Variants in ULK4 observed in about 807,000 individuals in gnomAD.
ULK4 encodes the protein unc-51 like kinase 4, also known as inactive serine/threonine-protein kinase ULK4.
A neutral mutation model predicts 160.6 loss-of-function variants in ULK4; 133 were observed. That is an observed-to-expected ratio of 0.83 (90% CI 0.72 to 0.96). The LOEUF (loss-of-function observed/expected upper bound fraction) is 0.96, where lower values mean the gene tolerates loss of function less well. ULK4 is among the 40% of genes least tolerant of loss of function. ULK4 has a pLI of 0.00. For missense variants in ULK4, 1,580 were observed against 1,499.5 expected, an observed-to-expected ratio of 1.05 and a Z score of -0.89; for synonymous variants, 534 against 539.8, an observed-to-expected ratio of 0.99 and a Z score of 0.15.
At chr3:41,672,597 A>G (rs1037361446) in intron 29 of ULK4, among the ~76,000 whole-genome samples, 2 of 152,216 alleles carry the variant, frequency 1.3e-5, no homozygotes, top group Admixed American at 1.3e-4. Context: ...GGGTACAAAC[A>G]TACAGTTAAC....
intron 32 of ULK4, among the ~76,000 whole-genome samples, chr3:41,528,538 C>T (rs1180686793): frequency 6.6e-6 from 1 of 152,174 alleles, no homozygotes; most frequent in Admixed American, 6.5e-5. Context: ...ATTATGGCCA[C>T]TTTACAATCA....
intron 25 of ULK4, among the ~76,000 whole-genome samples, chr3:41,713,859 G>T (rs915915759): frequency 6.6e-6 from 1 of 151,962 alleles, no homozygotes; most frequent in African/African-American, 2.4e-5. Context: ...GGAAAATCTT[G>T]GTAATTCTTT....
intron 29 of ULK4, among the ~76,000 whole-genome samples, chr3:41,676,893 GC>G (rs552146964): frequency 2.5e-3 from 357 of 142,660 alleles, no homozygotes; most frequent in African/African-American, 9.1e-3. Context: ...TGGGGTGCCT[GC>G]CCCCACCCCC....
intron 34 of ULK4, among the ~76,000 whole-genome samples, chr3:41,411,655 A>T (rs773672621): frequency 2.6e-5 from 4 of 151,560 alleles, no homozygotes; most frequent in Non-Finnish European, 5.9e-5. Context: ...CTGGTCTCGA[A>T]CTCCTGATCT....
rs147266228 is a variant in ULK4 at position 41,404,294 on chromosome 3, G to C, written c.3493-6030C>G. ...GTTTAGAATGCATACATTTAAAATA[G>C]TTATGTCATTTCAGTGGATAGATCT... On this transcript the variant is annotated intron_variant, in intron 34 of 36. Coordinates refer to ENST00000301831, the MANE Select transcript of ULK4 (RefSeq NM_017886.4). Among the ~76,000 whole-genome samples the C allele has an allele frequency of 2.1e-5, 3 of 146,256 alleles. No individual in the cohort carries two copies. The East Asian group carries it at 6.2e-4, about 30-fold the overall frequency.
At chr3:41,535,614 T>C (rs1425325466) in intron 32 of ULK4, among the ~76,000 whole-genome samples, 1 of 152,228 alleles carries the variant, frequency 6.6e-6, no homozygotes, top group Non-Finnish European at 1.5e-5. Flanking sequence ...AGACCACATA[T>C]ACTCAATGCC....
intron 22 of ULK4, among the ~76,000 whole-genome samples, chr3:41,737,115 G>T (rs1244565728): frequency 1.3e-5 from 2 of 151,928 alleles, no homozygotes; most frequent in East Asian, 3.9e-4. Flanking sequence ...ATAGTTTGAA[G>T]TCAGGTAGTG....
chr3:41,519,556 C>T (rs1480687776), intron 32 of ULK4, among the ~76,000 whole-genome samples: 2 of 152,160 alleles, frequency 1.3e-5, no homozygotes, highest in African/African-American at 4.8e-5. Context: ...TCCTGAAACA[C>T]AGTGTGGTAG....
At chr3:41,948,319 T>G (rs1433421181) in intron 2 of ULK4, among the ~76,000 whole-genome samples, 1 of 152,004 alleles carries the variant, frequency 6.6e-6, no homozygotes, top group Non-Finnish European at 1.5e-5. Flanking sequence ...GGCATGGTAA[T>G]GTGCACCTGT....
At chr3:41,403,520 G>C (rs898859400) in intron 34 of ULK4, among the ~76,000 whole-genome samples, 1 of 151,938 alleles carries the variant, frequency 6.6e-6, no homozygotes, top group Non-Finnish European at 1.5e-5. Flanking sequence ...CAATTGTACT[G>C]ATTTTTTTTC....
intron 5 of ULK4, among the ~76,000 whole-genome samples, chr3:41,924,861 T>C (rs1169873195): frequency 6.6e-6 from 1 of 152,106 alleles, no homozygotes; most frequent in South Asian, 2.1e-4. Flanking sequence ...TGCCACCCTC[T>C]TGCATAGTGC....
At chr3:41,471,702 A>G (rs891914282) in intron 32 of ULK4, among the ~76,000 whole-genome samples, 1 of 152,194 alleles carries the variant, frequency 6.6e-6, no homozygotes, top group Non-Finnish European at 1.5e-5. Context: ...CAACAACAGG[A>G]GTAATTTTGG....
intron 35 of ULK4, among the ~76,000 whole-genome samples, chr3:41,353,711 CTACT>C (rs1559540448): frequency 6.9e-5 from 9 of 129,720 alleles, no homozygotes; most frequent in Admixed American, 1.4e-4. Flanking sequence ...ACTACTACTA[CTACT>C]ACTACTACTA....
intron 17 of ULK4, among the ~76,000 whole-genome samples, chr3:41,855,450 T>C (rs979333741): frequency 2.0e-5 from 3 of 152,222 alleles, no homozygotes; most frequent in Non-Finnish European, 2.9e-5. Context: ...AAGGGTTATA[T>C]GACACACATT....
intron 27 of ULK4, among the ~76,000 whole-genome samples, chr3:41,686,258 A>G (rs1372829500): frequency 1.3e-5 from 2 of 152,210 alleles, no homozygotes; most frequent in Non-Finnish European, 2.9e-5. Flanking sequence ...AAGGGCTAGG[A>G]AAAAAAGACT....
intron 34 of ULK4, among the ~76,000 whole-genome samples, chr3:41,445,252 T>A (rs2083270542): frequency 6.6e-6 from 1 of 152,178 alleles, no homozygotes. Context: ...GAACATTCCA[T>A]GCTCATGGGT....
chr3:41,591,317 T>G (rs142713449), intron 31 of ULK4, among the ~76,000 whole-genome samples: 1 of 152,216 alleles, frequency 6.6e-6, no homozygotes, highest in Admixed American at 6.5e-5. Context: ...CCAGTATCTC[T>G]GCATGGAAAA....
chr3:41,940,677 A>G (rs1699921725), intron 2 of ULK4, among the ~76,000 whole-genome samples: 1 of 152,124 alleles, frequency 6.6e-6, no homozygotes, highest in African/African-American at 2.4e-5. Context: ...AAAAATAGAA[A>G]CATTCTTACT....
chr3:41,852,939 A>G (rs530480287), intron 17 of ULK4, among the ~76,000 whole-genome samples: 17 of 152,326 alleles, frequency 1.1e-4, no homozygotes. Flanking sequence ...ATCTCCCCTG[A>G]GAATCAAATC....
Sources: allele counts gnomAD v4.1 joint callset (sites outside exome capture counted in the v4.1 genomes callset), GRCh38; gene constraint gnomAD v4.1.1; transcripts MANE v1.5; gene names NCBI Gene and HGNC (gene_info 2026-07-23, HGNC 2026-07-21).